The following ENPP7 variants were observed in gnomAD, a reference collection of about 807,000 sequenced individuals.
The protein encoded by ENPP7 is ectonucleotide pyrophosphatase/phosphodiesterase family member 7.
In ENPP7, 39 loss-of-function variants were observed where a neutral mutation model predicts 33.6. That is an observed-to-expected ratio of 1.16 (90% confidence interval 0.90 to 1.52). The LOEUF is 1.52. Ranked by LOEUF, ENPP7 falls within the 40% of genes most tolerant of loss-of-function variation. The pLI is 0.00. For synonymous variants in ENPP7, 244 were observed against 274.3 expected, an observed-to-expected ratio of 0.89 and a Z score of 1.09; for missense variants, 594 against 641.0, an observed-to-expected ratio of 0.93 and a Z score of 0.79.
In ENPP7 at chr17:79,731,205, A is replaced by G; in HGVS notation, c.66A>G (p.Ala22=). ...LATLLAPGAG[A]PVQSQGSQNK... ...CGCTCCTGGCTCCCGGGGCCGGAGC[A>G]CCGGTACAAAGTCAGGGCTCCCAGA... The change falls in exon 1 of 6, where the codon GCA becomes GCG. Residue 22 remains alanine (A), a synonymous_variant. Transcript: ENST00000328313. The G allele has an allele frequency of 6.2e-7, 1 of 1,612,166 alleles. No individual in the cohort carries two copies. The highest frequency in any genetic ancestry group is 8.5e-7 in the Non-Finnish European group (1 of 1,179,898).
chr17:79,731,685 G>A (rs1425283104), intron 1 of ENPP7, among the ~76,000 whole-genome samples: 3 of 146,988 alleles, frequency 2.0e-5, no homozygotes, highest in Non-Finnish European at 4.5e-5. Context: ...TCCCCTGCCC[G>A]CCCCTCCAGC....
intron 1 of ENPP7, 59 bp downstream of exon 1, chr17:79,731,451 C>A: frequency 6.4e-7 from 1 of 1,556,072 alleles, no homozygotes. Flanking sequence ...CCAGATGGCA[C>A]AGAGCCGTGT....
In ENPP7 at chr17:79,731,339, T is replaced by C. The variant is rs1555822469; in HGVS notation, c.200T>C (p.Met67Thr). The C allele has an allele frequency of 1.2e-6, 2 of 1,613,476 alleles. No homozygotes were observed. Among genetic ancestry groups the C allele is most frequent in the Admixed American group, 1.7e-5 (1 of 59,958 alleles). Residue 67 changes from methionine (M) to threonine (T), a missense_variant, in exon 1 of 6, where the codon ATG (methionine) becomes ACG (threonine). By Grantham distance (81) the Met-to-Thr change is moderately conservative. Coordinates refer to ENST00000328313, the MANE Select transcript of ENPP7 (RefSeq NM_178543.5). The stretch of plus-strand genomic sequence containing the variant: ...CGAGACGGGGTGAAGGCACGCTACA[T>C]GACCCCCGCCTTTGTCACCATGACC... ...MARDGVKARY[M>T]TPAFVTMTSP...
rs782283411 is a variant in ENPP7, at chr17:79,737,133, C to A, written c.1119C>A (p.Phe373Leu). The A allele has an allele frequency of 6.2e-7, 1 of 1,614,084 alleles. No homozygotes were observed. Among genetic ancestry groups the A allele is most frequent in the East Asian group, 2.2e-5 (1 of 44,810 alleles). Residue 373 changes from phenylalanine to leucine, a missense_variant, in exon 4 of 6, where the codon TTC becomes TTA. Phe to Leu is a conservative substitution (Grantham distance 22, BLOSUM62 0). Coordinates refer to ENST00000328313, the MANE Select transcript of ENPP7 (RefSeq NM_178543.5). The surrounding 1 kb of genome is among the most constrained non-coding windows in gnomAD (Gnocchi z 5.5). ...KTIFRAVGPS[F>L]RAGLEVEPFE... ...TCTTCCGCGCTGTGGGCCCTAGCTT[C>A]AGGGCGGGCCTGGAGGTGGAGCCCT...
rs2094294549 is a variant in ENPP7 at position 79,735,726 on chromosome 17, TTC to T, written c.1026+59_1026+60del. The T allele has an allele frequency of 2.0e-6, 3 of 1,487,084 alleles. No individual in the cohort carries two copies. The highest frequency in any genetic ancestry group is 2.7e-6 in the Non-Finnish European group (3 of 1,115,464). 92.1% of individuals were successfully genotyped at this position (1,487,084 alleles called of 1,614,324 possible). A position where few individuals can be genotyped will look rare whatever the true frequency, so the allele number is the denominator to read the frequency against. On this transcript the variant is annotated intron_variant, in intron 3 of 5. Transcript: ENST00000328313. The surrounding 1 kb of genome is among the most constrained non-coding windows in gnomAD (Gnocchi z 5.5). ...GGGCTCCCTCCCCAGGCTCTGGGTC[TTC>T]TTTTTTTTTTTTTGAGACCAGGGTC... is the stretch of plus-strand genomic sequence containing the variant.
chr17:79,742,047 GC>G lies in ENPP7; in HGVS notation c.*275del, dbSNP rs1375701103. 7 of 624,842 alleles carry G rather than the reference GC, an allele frequency of 1.1e-5. No individual in the cohort carries two copies. Among genetic ancestry groups the G allele is most frequent in the East Asian group, 1.3e-4 (1 of 7,494 alleles). The allele number at this position is 624,842 out of a possible 1,614,324, so 38.7% of individuals were successfully genotyped here. A position where few individuals can be genotyped will look rare whatever the true frequency, so the allele number is the denominator to read the frequency against. On this transcript the variant is annotated 3_prime_UTR_variant, in exon 6 of 6. Transcript: ENST00000328313. Reference sequence around the variant, plus strand: ...CCCTGCTCCTGCTCCTCCCCTTCGGGCCCCCTCCTCCTGCAAAACCCGCTCC... The same window carrying G: ...CCCTGCTCCTGCTCCTCCCCTTCGGGCCCCTCCTCCTGCAAAACCCGCTCC...
chr17:79,734,548 G>A (rs1436432749), intron 2 of ENPP7, among the ~76,000 whole-genome samples: 1 of 148,386 alleles, frequency 6.7e-6, no homozygotes, highest in Non-Finnish European at 1.5e-5. Context: ...CGCCATCTCC[G>A]CTCACTGCAA....
chr17:79,738,464 G>C lies in ENPP7; in HGVS notation c.*16+402G>C. 4.9e-6 allele frequency: 1 copy of C among 202,892 alleles called. No individual in the cohort carries two copies. Among genetic ancestry groups the C allele is most frequent in the Non-Finnish European group, 1.0e-5 (1 of 97,364 alleles). 12.6% of individuals were successfully genotyped at this position (202,892 alleles called of 1,614,324 possible). The stretch of plus-strand genomic sequence containing the variant: ...AGGAGAGCTCTGGGGCTGTGTTCCT[G>C]GAACTCTCCAGGAGCCTCCTAGGAC... On this transcript the variant is annotated intron_variant, in intron 5 of 5. Transcript: ENST00000328313. The surrounding 1 kb of genome is among the most constrained non-coding windows in gnomAD (Gnocchi z 6.2).
rs2094301465 is a variant in ENPP7 at position 79,739,277 on chromosome 17, C to T, written c.*16+1215C>T. The T allele has an allele frequency of 6.6e-6, 1 of 152,468 alleles. No individual in the cohort carries two copies. The highest frequency in any genetic ancestry group is 6.5e-5 in the Admixed American group (1 of 15,274). 9.4% of individuals were successfully genotyped at this position (152,468 alleles called of 1,614,324 possible). On this transcript the variant is annotated intron_variant, in intron 5 of 5. Transcript: ENST00000328313. This position sits in a 1 kb window ranked among gnomAD's most constrained non-coding sequence, Gnocchi z 4.4. ...AGGCTCTAACAGGAGCTGACCACAG[C>T]CCCAAGGCAGGAGGTTGTGGGATGC... is the stretch of plus-strand genomic sequence containing the variant.
Position 79,738,021 on chromosome 17 carries a change from T to A in ENPP7, c.1352T>A (p.Val451Glu). ...CTCGTGATGGGACTGCTGGGGACCG[T>A]GATTCTTCTGTCTGAGGTCGCATAA... Reference protein sequence around the residue: ...PLLVMGLLGTVILLSEVA With the variant: ...PLLVMGLLGTEILLSEVA Residue 451 changes from valine to glutamate, a missense_variant, in exon 5 of 6, where the codon GTG (valine) becomes GAG (glutamate). This residue lies in a region of ENPP7 where 504 missense variants were observed against 512.8 expected (regional missense o/e 0.98). Transcript: ENST00000328313. The surrounding 1 kb of genome is among the most constrained non-coding windows in gnomAD (Gnocchi z 6.2). 1 of 1,612,756 alleles carries A rather than the reference T, an allele frequency of 6.2e-7. No individual in the cohort carries two copies. The highest frequency in any genetic ancestry group is 8.5e-7 in the Non-Finnish European group (1 of 1,179,990).
chr17:79,733,668 G>A lies in ENPP7; in HGVS notation c.399+15G>A, dbSNP rs782155263. 4.4e-5 allele frequency: 71 copies of A among 1,600,846 alleles called. No individual in the cohort carries two copies. The highest frequency in any genetic ancestry group is 5.7e-5 in the Non-Finnish European group (67 of 1,174,834). ...CCCAGAGGCAGGTAATGTCACCCCC[G>A]CCCATACTGACATCGCAGAGCACGG... On this transcript the variant is annotated intron_variant, in intron 2 of 5. Coordinates refer to ENST00000328313, the MANE Select transcript of ENPP7 (RefSeq NM_178543.5).
At chr17:79,736,942 T>C (rs1163856089) in intron 3 of ENPP7, 99 bp from the exon 4 acceptor site, 1 of 936,840 alleles carries the variant, frequency 1.1e-6, no homozygotes, top group Non-Finnish European at 1.7e-6. Context: ...CTCACGTTGG[T>C]GCTCCTTCCT....
chr17:79,735,658 G>T lies in ENPP7; in HGVS notation c.1015G>T (p.Val339Phe). 6.2e-7 allele frequency: 1 copy of T among 1,606,762 alleles called. No homozygotes were observed. The highest frequency in any genetic ancestry group is 8.5e-7 in the Non-Finnish European group (1 of 1,174,934). ...GCTGATGTACAGCGACCTTGGCTAC[G>T]TCATCCATGGGGTGAGTCGCCTGCT... ...PLLMYSDLGY[V>F]IHGRINVQFN... The change falls in exon 3 of 6, where the codon GTC (valine) becomes TTC (phenylalanine). Residue 339 changes from valine to phenylalanine, a missense_variant. Coordinates refer to ENST00000328313, the MANE Select transcript of ENPP7 (RefSeq NM_178543.5). This position sits in a 1 kb window ranked among gnomAD's most constrained non-coding sequence, Gnocchi z 5.5.
At chr17:79,732,487 G>A (rs1295775013) in intron 1 of ENPP7, among the ~76,000 whole-genome samples, 1 of 152,034 alleles carries the variant, frequency 6.6e-6, no homozygotes, top group Admixed American at 6.6e-5. Context: ...TGCTTCTGGA[G>A]GCCAGAAGGC....
chr17:79,731,027 A>C lies in ENPP7; in HGVS notation c.-113A>C, dbSNP rs2094284109. 1 of 1,241,048 alleles carries C rather than the reference A, an allele frequency of 8.1e-7. No homozygotes were observed. Among genetic ancestry groups the C allele is most frequent in the East Asian group, 2.6e-5 (1 of 39,156 alleles). 76.9% of individuals were successfully genotyped at this position (1,241,048 alleles called of 1,614,324 possible). On this transcript the variant is annotated 5_prime_UTR_variant, in exon 1 of 6. Transcript: ENST00000328313. ...GTTCGACCCGGGGATGTGCACAGCC[A>C]CATTCCAAAGGCGCACGGGATGAGA... is the stretch of plus-strand genomic sequence containing the variant.
At position 79,735,273 on chromosome 17, in the gene ENPP7, G is replaced by A. The variant is rs146147882; in HGVS notation, c.630G>A (p.Pro210=). ...STGHRYGPES[P]ERREMVRQVD... is the part of the protein sequence containing the mutation. Reference sequence around the variant, plus strand: ...GCCACAGGTACGGCCCCGAGTCCCCGGAGAGGAGGGAGATGGTGCGGCAGG... The same window carrying A: ...GCCACAGGTACGGCCCCGAGTCCCCAGAGAGGAGGGAGATGGTGCGGCAGG... Residue 210 remains proline, a synonymous_variant, in exon 3 of 6, where the codon CCG becomes CCA. Transcript: ENST00000328313. This position sits in a 1 kb window ranked among gnomAD's most constrained non-coding sequence, Gnocchi z 5.5. 3.9e-5 allele frequency: 63 copies of A among 1,613,418 alleles called. No homozygotes were observed. The highest frequency in any genetic ancestry group is 1.6e-4 in the Middle Eastern group (1 of 6,084).
At position 79,737,653 on chromosome 17, in the gene ENPP7, C is replaced by CT. The variant is rs1555823900; in HGVS notation, c.1247-262dup. Among the ~76,000 whole-genome samples the CT allele has an allele frequency of 6.6e-6, 1 of 152,230 alleles. No homozygotes were observed. The highest frequency in any genetic ancestry group is 2.4e-5 in the African/African-American group (1 of 41,470). On this transcript the variant is annotated intron_variant, in intron 4 of 5. Transcript: ENST00000328313. This position sits in a 1 kb window ranked among gnomAD's most constrained non-coding sequence, Gnocchi z 5.5. ...AGCCTCCCACACACACACCTCCCCA[C>CT]TGGAACCTGCCCCATCTTGGGGACA...
At chr17:79,733,073 G>A (rs2094289287) in intron 1 of ENPP7, among the ~76,000 whole-genome samples, 1 of 152,188 alleles carries the variant, frequency 6.6e-6, no homozygotes, top group Non-Finnish European at 1.5e-5. Context: ...GGAGCTCCAC[G>A]TAGTTCACTG....
At position 79,732,135 on chromosome 17, in the gene ENPP7, T is replaced by TAC. The variant is rs782666985; in HGVS notation, c.253+744_253+745insCA. On this transcript the variant is annotated intron_variant, in intron 1 of 5. Transcript: ENST00000328313. ...ATATATATATACATATATATATGTA[T>TAC]ATATATATATATATACACACACATA... Among the ~76,000 whole-genome samples the TAC allele has an allele frequency of 5.9e-3, 242 of 40,732 alleles. 4 individuals carry two copies. Among genetic ancestry groups the TAC allele is most frequent in the South Asian group, 8.8e-3 (6 of 678 alleles). 26.7% of individuals were successfully genotyped at this position (40,732 alleles called of 152,430 possible).
Sources: allele counts gnomAD v4.1 joint callset (sites outside exome capture counted in the v4.1 genomes callset), GRCh38; gene constraint gnomAD v4.1.1; regional missense constraint gnomAD v4.1.1; non-coding constraint Gnocchi (gnomAD v3.1); transcripts MANE v1.5; gene names NCBI Gene and HGNC (gene_info 2026-07-23, HGNC 2026-07-21).